The following PPM1L variants were observed in gnomAD, a reference collection of about 807,000 sequenced individuals.
PPM1L encodes the protein protein phosphatase, Mg2+/Mn2+ dependent 1L, also known as protein phosphatase 1L.
PPM1L carries 13 observed loss-of-function variants against 31.4 expected under a neutral mutation model. That is an observed-to-expected ratio of 0.41 (90% CI 0.27 to 0.66). The LOEUF is 0.66. Among genes scored for constraint, PPM1L ranks in the 30% least tolerant of loss-of-function variants. The pLI, the probability that PPM1L is intolerant of heterozygous loss-of-function variation, is 0.29. For synonymous variants in PPM1L, 184 were observed against 175.4 expected (o/e 1.05, Z -0.39); for missense variants, 326 against 453.7 (o/e 0.72, Z 2.56).
intron 1 of PPM1L, among the ~76,000 whole-genome samples, chr3:160,859,259 T>G (rs1711815778): frequency 6.6e-6 from 1 of 152,156 alleles, no homozygotes; most frequent in Admixed American, 6.5e-5. Context: ...TGATTGTTGT[T>G]GTTTTCTTAT....
At chr3:160,937,069 T>G (rs570772500) in intron 1 of PPM1L, among the ~76,000 whole-genome samples, 1 of 152,076 alleles carries the variant, frequency 6.6e-6, no homozygotes, top group South Asian at 2.1e-4. Context: ...TTTTATTATA[T>G]TCACTAAAAT....
At chr3:161,060,719 C>T (rs1215279013) in intron 2 of PPM1L, among the ~76,000 whole-genome samples, 4 of 131,240 alleles carry the variant, frequency 3.0e-5, no homozygotes, top group South Asian at 2.5e-4. Flanking sequence ...CATGTGAATT[C>T]GCTTTTTTTT....
chr3:160,938,985 C>T (rs1409646839), intron 1 of PPM1L, among the ~76,000 whole-genome samples: 1 of 152,114 alleles, frequency 6.6e-6, no homozygotes, highest in African/African-American at 2.4e-5. Context: ...AAGGCAAGAA[C>T]CCAAGGACAG....
rs553612015 is a variant in PPM1L at position 160,981,793 on chromosome 3, C to T, written c.574+19883C>T. ...ATTTATTTTTATTGAGATGGAGTCTCGCTCTGTCGCTCAGGCTGGAGTACA... is the reference window on the plus strand; with the variant it reads ...ATTTATTTTTATTGAGATGGAGTCTTGCTCTGTCGCTCAGGCTGGAGTACA... On this transcript the variant is annotated intron_variant, in intron 2 of 3. Transcript: ENST00000498165. 1.9e-3 allele frequency among the ~76,000 whole-genome samples: 280 copies of T among 148,068 alleles called. 1 individual carries two copies. The Middle Eastern group carries it at 0.028, about 15-fold the overall frequency.
At chr3:160,807,119 T>C (rs1157275620) in intron 1 of PPM1L, among the ~76,000 whole-genome samples, 1 of 152,172 alleles carries the variant, frequency 6.6e-6, no homozygotes, top group Non-Finnish European at 1.5e-5. Context: ...GTCTAGGACA[T>C]GTAGGATTAT....
intron 1 of PPM1L, among the ~76,000 whole-genome samples, chr3:160,816,385 C>A: frequency 6.6e-6 from 1 of 151,082 alleles, no homozygotes; most frequent in African/African-American, 2.4e-5. Context: ...CAACATTTTA[C>A]GAAATGGGAA....
chr3:160,808,262 C>T (rs926663803), intron 1 of PPM1L, among the ~76,000 whole-genome samples: 1 of 151,040 alleles, frequency 6.6e-6, no homozygotes, highest in Non-Finnish European at 1.5e-5. Flanking sequence ...TCTGGTTGTT[C>T]CAACTGCCCT....
At position 160,772,678 on chromosome 3, in the gene PPM1L, G is replaced by A. The variant is rs576030705; in HGVS notation, c.399+15971G>A. On this transcript the variant is annotated intron_variant, in intron 1 of 3. Transcript: ENST00000498165. ...GTGAACATCTCCATCACCCTCAAAA[G>A]TTTCTTGATGCTTCTTGGTAATTCC... Among the ~76,000 whole-genome samples, 5 of 152,226 alleles carry A rather than the reference G, an allele frequency of 3.3e-5. No homozygotes were observed. In the East Asian group the frequency reaches 5.8e-4, roughly 18 times the overall value.
At position 161,069,135 on chromosome 3, in the gene PPM1L, G is replaced by A. The variant is rs1020845198; in HGVS notation, c.1061G>A (p.Ser354Asn). 3 of 1,613,630 alleles carry A rather than the reference G, an allele frequency of 1.9e-6. No individual in the cohort carries two copies. Among genetic ancestry groups the A allele is most frequent in the African/African-American group, 2.7e-5 (2 of 74,922 alleles). ...GTCATGGTGGTGAAGTTCAGAAATAGCAGCAAAACAGAAGAGCAGTGAACC... is the reference window on the plus strand; with the variant it reads ...GTCATGGTGGTGAAGTTCAGAAATAACAGCAAAACAGAAGAGCAGTGAACC... Reference protein sequence around the residue: ...ITVMVVKFRNSSKTEEQ With the variant: ...ITVMVVKFRNNSKTEEQ The change falls in exon 4 of 4, where the codon AGC becomes AAC. Residue 354 changes from serine (S) to asparagine (N), a missense_variant. Ser to Asn is a conservative substitution (Grantham distance 46). Coordinates refer to ENST00000498165, the MANE Select transcript of PPM1L (RefSeq NM_139245.4).
chr3:161,022,286 T>G, intron 2 of PPM1L: 1 of 527,992 alleles, frequency 1.9e-6, no homozygotes, highest in Non-Finnish European at 3.4e-6. Context: ...TCCCTCCCCA[T>G]TCTCTGTGCT....
intron 1 of PPM1L, among the ~76,000 whole-genome samples, chr3:160,822,829 G>A (rs1376710718): frequency 6.6e-6 from 1 of 152,004 alleles, no homozygotes; most frequent in Non-Finnish European, 1.5e-5. Context: ...TCAAGGCAGT[G>A]TCCTAGGCCC....
chr3:160,875,584 AT>A (rs1712478879), intron 1 of PPM1L, among the ~76,000 whole-genome samples: 1 of 152,232 alleles, frequency 6.6e-6, no homozygotes, highest in Admixed American at 6.5e-5. Flanking sequence ...AGCTTTAGAA[AT>A]TAAATAAAAT....
intron 1 of PPM1L, among the ~76,000 whole-genome samples, chr3:160,842,883 C>T (rs1713932258): frequency 6.6e-6 from 1 of 152,052 alleles, no homozygotes; most frequent in Non-Finnish European, 1.5e-5. Context: ...TGAGATGTGG[C>T]CTAGTTCTAA....
At chr3:160,836,316 AAGAGAGAG>A (rs113812255) in intron 1 of PPM1L, among the ~76,000 whole-genome samples, 232 of 147,714 alleles carry the variant, frequency 1.6e-3, no homozygotes, top group Middle Eastern at 6.9e-3. Flanking sequence ...GAAGGAAAGG[AAGAGAGAG>A]AGAGAGAGAG....
intron 1 of PPM1L, among the ~76,000 whole-genome samples, chr3:160,811,343 A>G (rs995197556): frequency 6.6e-6 from 1 of 152,254 alleles, no homozygotes; most frequent in Non-Finnish European, 1.5e-5. Flanking sequence ...GTCCTCATCC[A>G]TCAGAATCAT....
chr3:160,833,017 G>A (rs1200064217), intron 1 of PPM1L, among the ~76,000 whole-genome samples: 3 of 152,144 alleles, frequency 2.0e-5, no homozygotes, highest in African/African-American at 4.8e-5. Context: ...AGAACATGCG[G>A]TGTTTGGTTT....
chr3:161,003,734 T>A (rs1374123037), intron 2 of PPM1L, among the ~76,000 whole-genome samples: 1 of 152,190 alleles, frequency 6.6e-6, no homozygotes, highest in Non-Finnish European at 1.5e-5. Context: ...TTAAGGAGAT[T>A]TTGGGCTGAG....
rs1720185580 is a variant in PPM1L at position 161,078,667 on chromosome 3, A to G, written c.*9510A>G. 6.6e-6 allele frequency: 1 copy of G among 152,178 alleles called. No homozygotes were observed. The highest frequency in any genetic ancestry group is 1.5e-5 in the Non-Finnish European group (1 of 68,036). 9.4% of individuals were successfully genotyped at this position (152,178 alleles called of 1,614,324 possible). ...CATTTGAAACACAGTTACAATGTCA[A>G]TTTGGTGTAACATTACCTGTAGTAG... On this transcript the variant is annotated 3_prime_UTR_variant, in exon 4 of 4. Coordinates refer to ENST00000498165, the MANE Select transcript of PPM1L (RefSeq NM_139245.4).
chr3:160,976,744 G>C (rs149664810), intron 2 of PPM1L, among the ~76,000 whole-genome samples: 14 of 151,698 alleles, frequency 9.2e-5, no homozygotes, highest in African/African-American at 3.4e-4. Flanking sequence ...TTTTTATTGC[G>C]TCCATTTGAT....
Sources: allele counts gnomAD v4.1 joint callset (sites outside exome capture counted in the v4.1 genomes callset), GRCh38; gene constraint gnomAD v4.1.1; transcripts MANE v1.5; gene names NCBI Gene and HGNC (gene_info 2026-07-23, HGNC 2026-07-21).